Variants in PDZRN3 observed in about 807,000 individuals in gnomAD.
PDZRN3 encodes PDZ domain containing ring finger 3.
Under a neutral mutation model 85.7 loss-of-function variants are expected in PDZRN3, and 38 were observed. The observed-to-expected ratio is 0.44, with a 90% CI of 0.34 to 0.58. The LOEUF is 0.58. Ranked by LOEUF, PDZRN3 falls within the 20% of genes least tolerant of loss-of-function variation. PDZRN3 has a pLI of 0.01. For missense variants in PDZRN3, 1,629 were observed against 1,506.4 expected (o/e 1.08, Z -1.35); for synonymous variants, 759 against 638.0 (o/e 1.19, Z -2.86).
At chr3:73,512,615 C>T (rs889167923) in intron 3 of PDZRN3, among the ~76,000 whole-genome samples, 38 of 151,566 alleles carry the variant, frequency 2.5e-4, no homozygotes, top group African/African-American at 8.7e-4. Flanking sequence ...AAAAAGTGAA[C>T]TGAAATATAA....
chr3:73,621,442 A>G (rs1702859205), intron 1 of PDZRN3, among the ~76,000 whole-genome samples: 1 of 152,252 alleles, frequency 6.6e-6, no homozygotes, highest in Non-Finnish European at 1.5e-5. Context: ...GAGAGTTTCC[A>G]GGACATATAA....
intron 3 of PDZRN3, among the ~76,000 whole-genome samples, chr3:73,592,147 G>C (rs942906194): frequency 1.3e-5 from 2 of 152,026 alleles, no homozygotes; most frequent in Non-Finnish European, 2.9e-5. Context: ...ACCAGTTTTT[G>C]GATGTGCGTT....
chr3:73,609,600 G>A (rs75509679), intron 1 of PDZRN3, among the ~76,000 whole-genome samples: 4,630 of 152,224 alleles, frequency 0.03, 222 homozygotes, highest in African/African-American at 0.1. Flanking sequence ...CTATAAATCG[G>A]CATTTGCTTC....
intron 3 of PDZRN3, among the ~76,000 whole-genome samples, chr3:73,502,731 G>A (rs1439996370): frequency 6.6e-6 from 1 of 152,200 alleles, no homozygotes; most frequent in Non-Finnish European, 1.5e-5. Flanking sequence ...ATGGTCAGAT[G>A]GAAAGCAAAT....
intron 3 of PDZRN3, among the ~76,000 whole-genome samples, chr3:73,461,777 A>G (rs1703109090): frequency 6.6e-6 from 1 of 152,224 alleles, no homozygotes; most frequent in Non-Finnish European, 1.5e-5. Context: ...CAAGTCATTC[A>G]CAGCCTAGGT....
chr3:73,571,215 A>T (rs1559743474), intron 3 of PDZRN3, among the ~76,000 whole-genome samples: 1 of 152,068 alleles, frequency 6.6e-6, no homozygotes, highest in Non-Finnish European at 1.5e-5. Flanking sequence ...CATGCCCTGG[A>T]GTGCTTTTAT....
chr3:73,547,118 T>C (rs1259126817), intron 3 of PDZRN3, among the ~76,000 whole-genome samples: 1 of 152,188 alleles, frequency 6.6e-6, no homozygotes, highest in African/African-American at 2.4e-5. Flanking sequence ...TAAGGAATAC[T>C]AAGCTCTTGA....
intron 3 of PDZRN3, among the ~76,000 whole-genome samples, chr3:73,533,539 A>T (rs1038503107): frequency 6.6e-6 from 1 of 152,182 alleles, no homozygotes. Context: ...AAAGGACTTT[A>T]AAAAATTGTT....
intron 3 of PDZRN3, chr3:73,561,661 C>T (rs897284079): frequency 6.6e-6 from 1 of 152,224 alleles, no homozygotes; most frequent in African/African-American, 2.4e-5. Flanking sequence ...GATGCACTCA[C>T]ATGGTGAGCA....
intron 3 of PDZRN3, among the ~76,000 whole-genome samples, chr3:73,459,168 C>T (rs115941422): frequency 0.023 from 3,558 of 152,026 alleles, 143 homozygotes; most frequent in African/African-American, 0.081. Flanking sequence ...CTTATAAAAC[C>T]ATCAGATCTC....
chr3:73,508,206 T>G (rs1704102982), intron 3 of PDZRN3, among the ~76,000 whole-genome samples: 1 of 152,218 alleles, frequency 6.6e-6, no homozygotes, highest in Non-Finnish European at 1.5e-5. Flanking sequence ...CTGGACACCC[T>G]TGCTGAGCAG....
intron 3 of PDZRN3, among the ~76,000 whole-genome samples, chr3:73,488,086 G>A (rs1468485061): frequency 6.6e-6 from 1 of 152,290 alleles, no homozygotes; most frequent in South Asian, 2.1e-4. Context: ...AGTGTTCTGA[G>A]TTTTAAATTA....
intron 3 of PDZRN3, among the ~76,000 whole-genome samples, chr3:73,467,392 T>C (rs1479449083): frequency 6.6e-6 from 1 of 152,204 alleles, no homozygotes; most frequent in Non-Finnish European, 1.5e-5. Flanking sequence ...AGGACAAATA[T>C]TTGTTTCTCC....
At chr3:73,562,271 C>T (rs1237398525) in intron 3 of PDZRN3, among the ~76,000 whole-genome samples, 1 of 152,002 alleles carries the variant, frequency 6.6e-6, no homozygotes, top group Admixed American at 6.6e-5. Context: ...TTAACATCAC[C>T]AGGGTAAAAG....
intron 3 of PDZRN3, among the ~76,000 whole-genome samples, chr3:73,509,265 GA>G (rs1704121198): frequency 6.6e-6 from 1 of 152,198 alleles, no homozygotes; most frequent in Non-Finnish European, 1.5e-5. Flanking sequence ...CAGCCATCTG[GA>G]GATGGGATGG....
At chr3:73,552,924 G>C (rs1701596921) in intron 3 of PDZRN3, among the ~76,000 whole-genome samples, 1 of 152,182 alleles carries the variant, frequency 6.6e-6, no homozygotes, top group Non-Finnish European at 1.5e-5. Context: ...ACTCACTAAG[G>C]ATCACACAAT....
chr3:73,476,741 T>C (rs1277886004), intron 3 of PDZRN3, among the ~76,000 whole-genome samples: 1 of 152,176 alleles, frequency 6.6e-6, no homozygotes, highest in African/African-American at 2.4e-5. Flanking sequence ...GAAAGACCTA[T>C]GTTGAGAGAA....
chr3:73,407,890 T>C (rs754588), intron 3 of PDZRN3, among the ~76,000 whole-genome samples: 101,154 of 152,030 alleles, frequency 0.67, 33,957 homozygotes, highest in East Asian at 0.86. Context: ...TTACACGGCA[T>C]TGATACAACA....
chr3:73,443,484 T>TTC (rs66827040), intron 3 of PDZRN3, among the ~76,000 whole-genome samples: 278 of 20,986 alleles, frequency 0.013, 25 homozygotes, highest in East Asian at 0.12. Context: ...TTTTTCTTTT[T>TTC]TTTTTTTTTT....
Sources: allele counts gnomAD v4.1 joint callset (sites outside exome capture counted in the v4.1 genomes callset), GRCh38; gene constraint gnomAD v4.1.1; transcripts MANE v1.5; gene names NCBI Gene and HGNC (gene_info 2026-07-23, HGNC 2026-07-21).